Variants in SLC10A1 observed in about 807,000 individuals in gnomAD.
SLC10A1 encodes hepatic sodium/bile acid cotransporter.
SLC10A1 carries 36 observed loss-of-function variants against 20.5 expected under a neutral mutation model. That is an observed-to-expected ratio of 1.75 (90% CI 1.34 to 2.32). SLC10A1 has a LOEUF of 2.32. Ranked by LOEUF, SLC10A1 falls within the 30% of genes most tolerant of loss-of-function variation. The pLI, the probability that SLC10A1 is intolerant of heterozygous loss-of-function variation, is 0.00. For synonymous variants in SLC10A1, 188 were observed against 163.6 expected, an observed-to-expected ratio of 1.15 and a Z score of -1.14; for missense variants, 545 against 439.1, an observed-to-expected ratio of 1.24 and a Z score of -2.16.
chr14:69,786,054 T>C (rs1417490436), intron 2 of SLC10A1, 43 bp downstream of exon 2: 16 of 1,418,462 alleles, frequency 1.1e-5, no homozygotes, highest in Admixed American at 1.7e-5. Context: ...ATATGGTGTT[T>C]TTACTCTTTT....
chr14:69,775,731 T>A lies in SLC10A1; in HGVS notation c.*551A>T, dbSNP rs1270036418. 6.6e-6 allele frequency: 1 copy of A among 152,312 alleles called. No homozygotes were observed. The highest frequency in any genetic ancestry group is 1.5e-5 in the Non-Finnish European group (1 of 68,120). 9.4% of individuals were successfully genotyped at this position (152,312 alleles called of 1,614,324 possible). The stretch of plus-strand genomic sequence containing the variant: ...ATTTTTTGAGTTTGTTTTGCCTGAT[T>A]GCATCTTACTGTGTTCACTTTTGCA... On this transcript the variant is annotated 3_prime_UTR_variant, in exon 5 of 5. Transcript: ENST00000216540.
intron 2 of SLC10A1, among the ~76,000 whole-genome samples, chr14:69,783,690 G>C (rs553727395): frequency 1.3e-5 from 2 of 152,326 alleles, no homozygotes; most frequent in East Asian, 3.9e-4. Context: ...TGACATGATA[G>C]AGTTTGTACT....
chr14:69,786,338 G>C, intron 1 of SLC10A1, 31 bp from the exon 2 acceptor site: 2 of 1,571,374 alleles, frequency 1.3e-6, no homozygotes, highest in African/African-American at 1.3e-5. Context: ...AGGGGAGAGA[G>C]AGAGAGCCCA....
chr14:69,790,303 A>T lies in SLC10A1; in HGVS notation c.357-3996T>A, dbSNP rs1377123757. 2.0e-5 allele frequency among the ~76,000 whole-genome samples: 3 copies of T among 152,180 alleles called. No homozygotes were observed. In the South Asian group the frequency reaches 6.2e-4, roughly 32 times the overall value. ...TGCAATATTATGCAAATCTGTCCAG[A>T]TAATATAAAAAGGGGAAACATGCCC... is the stretch of plus-strand genomic sequence containing the variant. On this transcript the variant is annotated intron_variant, in intron 1 of 4. Coordinates refer to ENST00000216540, the MANE Select transcript of SLC10A1 (RefSeq NM_003049.4).
Position 69,797,148 on chromosome 14 carries a change from G to GC in SLC10A1, c.7dup (p.Ala3GlyfsTer57). On this transcript the variant is annotated frameshift_variant, in exon 1 of 5. Coordinates refer to ENST00000216540, the MANE Select transcript of SLC10A1 (RefSeq NM_003049.4). LOFTEE classifies it high-confidence loss of function. ...GTTGAATGGGGCAGACGCGTTGTGG[G>GC]CCTCCATCCTCCTGTGAGGCAGTGG... 6.2e-7 allele frequency: 1 copy of GC among 1,607,258 alleles called. No individual in the cohort carries two copies. Among genetic ancestry groups the GC allele is most frequent in the Middle Eastern group, 1.7e-4 (1 of 5,980 alleles).
At chr14:69,782,582 G>A (rs2139713989) in intron 2 of SLC10A1, among the ~76,000 whole-genome samples, 1 of 152,292 alleles carries the variant, frequency 6.6e-6, no homozygotes, top group East Asian at 1.9e-4. Context: ...CCAAGGCGGG[G>A]AGATCACAAG....
chr14:69,777,214 G>A (rs1883466558), intron 4 of SLC10A1, among the ~76,000 whole-genome samples: 1 of 152,208 alleles, frequency 6.6e-6, no homozygotes, highest in African/African-American at 2.4e-5. Flanking sequence ...AAGCATCAGA[G>A]TAGATTCTTT....
intron 4 of SLC10A1, among the ~76,000 whole-genome samples, chr14:69,777,587 T>G (rs976242053): frequency 6.5e-5 from 6 of 92,068 alleles, no homozygotes; most frequent in African/African-American, 3.1e-4. Context: ...TGTTTTTTTT[T>G]TTTTTTTTTT....
chr14:69,786,117 A>C lies in SLC10A1; in HGVS notation c.547T>G (p.Tyr183Asp). Reference sequence around the variant, plus strand: ...CTTACCTTGATGACATAGCGCATGTATTGTGGCCGTTTGGATTTGAGGACG... The same window carrying C: ...CTTACCTTGATGACATAGCGCATGTCTTGTGGCCGTTTGGATTTGAGGACG... ...GIVLKSKRPQ[Y>D]MRYVIKGGMI... Residue 183 changes from tyrosine (Y) to aspartate (D), a missense_variant, in exon 2 of 5, where the codon TAC becomes GAC. Physicochemically the swap from Tyr to Asp is radical, Grantham distance 160. Coordinates refer to ENST00000216540, the MANE Select transcript of SLC10A1 (RefSeq NM_003049.4). 6.2e-7 allele frequency: 1 copy of C among 1,614,110 alleles called. No homozygotes were observed. The highest frequency in any genetic ancestry group is 8.5e-7 in the Non-Finnish European group (1 of 1,180,004).
chr14:69,780,728 A>G (rs983022873), intron 2 of SLC10A1, among the ~76,000 whole-genome samples: 20 of 152,246 alleles, frequency 1.3e-4, no homozygotes, highest in African/African-American at 4.6e-4. Flanking sequence ...ACTTTCACAC[A>G]TCTCTTGAAT....
intron 2 of SLC10A1, among the ~76,000 whole-genome samples, chr14:69,784,782 A>G (rs1883673754): frequency 6.6e-6 from 1 of 151,804 alleles, no homozygotes; most frequent in Non-Finnish European, 1.5e-5. Context: ...TCTCTTGAGT[A>G]CAAGGGTAGA....
chr14:69,791,133 A>G (rs544251313), intron 1 of SLC10A1, among the ~76,000 whole-genome samples: 68 of 152,260 alleles, frequency 4.5e-4, no homozygotes, highest in Admixed American at 6.5e-4. Context: ...AAGAAAAGCT[A>G]TATCATATTT....
chr14:69,778,005 C>G (rs10137162), intron 4 of SLC10A1, among the ~76,000 whole-genome samples: 4,517 of 152,190 alleles, frequency 0.03, 208 homozygotes, highest in African/African-American at 0.1. Context: ...AGGCCTTTCA[C>G]ACAACTAATA....
In SLC10A1 at chr14:69,794,138, A is replaced by T. The variant is rs574417871; in HGVS notation, c.356+2662T>A. Among the ~76,000 whole-genome samples, 14 of 152,246 alleles carry T rather than the reference A, an allele frequency of 9.2e-5. No individual in the cohort carries two copies. In the South Asian group the frequency reaches 1.9e-3, roughly 20 times the overall value. ...ACAATTCCTTCCAGTTCTAAATGGG[A>T]TGTAGAGTATTGTGCTTATCTCAAA... On this transcript the variant is annotated intron_variant, in intron 1 of 4. Coordinates refer to ENST00000216540, the MANE Select transcript of SLC10A1 (RefSeq NM_003049.4).
intron 1 of SLC10A1, among the ~76,000 whole-genome samples, chr14:69,793,520 C>T (rs541682602): frequency 6.6e-4 from 100 of 152,196 alleles, no homozygotes; most frequent in African/African-American, 2.2e-3. Context: ...TTCGAGTGTC[C>T]GTCAATGCAC....
chr14:69,797,141 G>A lies in SLC10A1; in HGVS notation c.15C>T (p.Asn5=), dbSNP rs1169262433. The change falls in exon 1 of 5, where the codon AAC becomes AAT. Residue 5 remains asparagine, a synonymous_variant. Coordinates refer to ENST00000216540, the MANE Select transcript of SLC10A1 (RefSeq NM_003049.4). The stretch of plus-strand genomic sequence containing the variant: ...GGGTGAAGTTGAATGGGGCAGACGC[G>A]TTGTGGGCCTCCATCCTCCTGTGAG... MEAH[N]ASAPFNFTLP... The A allele has an allele frequency of 1.9e-5, 30 of 1,609,334 alleles. No individual in the cohort carries two copies. Among genetic ancestry groups the A allele is most frequent in the East Asian group, 6.7e-5 (3 of 44,830 alleles).
At chr14:69,776,505 A>G (rs1399496151) in intron 4 of SLC10A1, 117 bp from the exon 5 acceptor site, 91 of 738,070 alleles carry the variant, frequency 1.2e-4, no homozygotes, top group East Asian at 1.1e-3. Context: ...TGCTAAGTAT[A>G]TATTTTCCAT....
chr14:69,793,536 G>C (rs1882324366), intron 1 of SLC10A1, among the ~76,000 whole-genome samples: 1 of 152,198 alleles, frequency 6.6e-6, no homozygotes, highest in Admixed American at 6.5e-5. Context: ...TGCACAGATT[G>C]GAGGCAGAAG....
Position 69,777,471 on chromosome 14 carries a change from T to C in SLC10A1, c.943+862A>G, listed in dbSNP as rs1044156500. Among the ~76,000 whole-genome samples, 10 of 152,102 alleles carry C rather than the reference T, an allele frequency of 6.6e-5. 1 individual carries two copies. The highest frequency in any genetic ancestry group is 2.4e-4 in the African/African-American group (10 of 41,418). ...GAAAGGTTTTGAAGGGGACTTCAAT[T>C]CATGGACATGAAGGGACAGTTGAAG... is the stretch of plus-strand genomic sequence containing the variant. On this transcript the variant is annotated intron_variant, in intron 4 of 4. Transcript: ENST00000216540.
Sources: gnomAD v4.1 joint callset for allele counts (sites outside exome capture counted in the v4.1 genomes callset) on GRCh38, gnomAD v4.1.1 for gene constraint, MANE v1.5 for transcripts, NCBI Gene and HGNC (gene_info 2026-07-23, HGNC 2026-07-21) for gene names.